Variants in HSPBP1 observed in about 807,000 individuals in gnomAD.
HSPBP1 encodes HSPA (Hsp70) binding protein 1.
A neutral mutation model predicts 41.7 loss-of-function variants in HSPBP1; 31 were observed. The observed-to-expected ratio is 0.74, with a 90% CI of 0.56 to 1.00. The LOEUF (loss-of-function observed/expected upper bound fraction) is 1.00. HSPBP1 is among the 50% of genes least tolerant of loss of function. The probability of loss-of-function intolerance (pLI) is 0.00; values close to 1 mark genes in which losing one functional copy is unlikely to be tolerated. For missense variants in HSPBP1, 439 were observed against 487.9 expected, an observed-to-expected ratio of 0.90 and a Z score of 0.94; for synonymous variants, 199 against 214.4, an observed-to-expected ratio of 0.93 and a Z score of 0.63.
chr19:55,273,618 C>T (rs62126353), intron 4 of HSPBP1, among the ~76,000 whole-genome samples: 8 of 152,136 alleles, frequency 5.3e-5, no homozygotes, highest in East Asian at 1.9e-4. Flanking sequence ...TCCCTGTGCC[C>T]GACCTGGTGC....
chr19:55,274,755 GATC>G, intron 3 of HSPBP1, 133 bp from the exon 4 acceptor site: 2 of 730,868 alleles, frequency 2.7e-6, no homozygotes, highest in Non-Finnish European at 4.5e-6. Context: ...TCTTTAAAGA[GATC>G]ATTAAGGTAA....
At chr19:55,263,209 A>G (rs2087691337) in intron 7 of HSPBP1, among the ~76,000 whole-genome samples, 1 of 152,258 alleles carries the variant, frequency 6.6e-6, no homozygotes, top group Admixed American at 6.5e-5. Flanking sequence ...AAGGATGAGA[A>G]CGAACAGTTC....
chr19:55,270,624 G>A lies in HSPBP1; in HGVS notation c.640+3774C>T, dbSNP rs188714548. Among the ~76,000 whole-genome samples the A allele has an allele frequency of 2.5e-4, 38 of 152,242 alleles. No homozygotes were observed. The East Asian group carries it at 6.4e-3, about 25-fold the overall frequency. On this transcript the variant is annotated intron_variant, in intron 4 of 7. Coordinates refer to ENST00000433386, the MANE Select transcript of HSPBP1 (RefSeq NM_012267.5). This position sits in a 1 kb window ranked among gnomAD's most constrained non-coding sequence, Gnocchi z 5.4. The stretch of plus-strand genomic sequence containing the variant: ...AGGTGCGCCACAGTCAGGATGGCCT[G>A]TGCCAGCCGTGCACATCTGAGGAAA...
rs1336179222 is a variant in HSPBP1, at chr19:55,277,658, G to A, written c.399C>T (p.Asn133=). 6.2e-7 allele frequency: 1 copy of A among 1,606,348 alleles called. No individual in the cohort carries two copies. Among genetic ancestry groups the A allele is most frequent in the African/African-American group, 1.3e-5 (1 of 74,932 alleles). ...ALELLADLCE[N]MDNAADFCQL... ...GCGGGGTACCTGCGGCATTGTCCAT[G>A]TTCTCACACAGGTCGGCCAGCAGCT... Residue 133 remains asparagine (N), a synonymous_variant, in exon 3 of 8, where the codon AAC becomes AAT. Coordinates refer to ENST00000433386, the MANE Select transcript of HSPBP1 (RefSeq NM_012267.5).
chr19:55,265,653 C>T (rs2087755517), intron 6 of HSPBP1, among the ~76,000 whole-genome samples: 1 of 152,056 alleles, frequency 6.6e-6, no homozygotes, highest in African/African-American at 2.4e-5. Flanking sequence ...GACACTAATC[C>T]ACTGGTGGGG....
chr19:55,270,576 G>A lies in HSPBP1; in HGVS notation c.640+3822C>T, dbSNP rs548288876. Among the ~76,000 whole-genome samples the A allele has an allele frequency of 6.6e-6, 1 of 152,098 alleles. No homozygotes were observed. The highest frequency in any genetic ancestry group is 1.5e-5 in the Non-Finnish European group (1 of 68,000). On this transcript the variant is annotated intron_variant, in intron 4 of 7. Coordinates refer to ENST00000433386, the MANE Select transcript of HSPBP1 (RefSeq NM_012267.5). The surrounding 1 kb of genome is among the most constrained non-coding windows in gnomAD (Gnocchi z 5.4). Reference sequence around the variant, plus strand: ...GGAAAGATAAGCTACTGTTGCTTAAGAAAAAAGGACAGAGGCAGGTCAAGG... The same window carrying A: ...GGAAAGATAAGCTACTGTTGCTTAAAAAAAAAGGACAGAGGCAGGTCAAGG...
chr19:55,264,202 C>A (rs1322188129), intron 7 of HSPBP1, among the ~76,000 whole-genome samples: 1 of 152,130 alleles, frequency 6.6e-6, no homozygotes, highest in Non-Finnish European at 1.5e-5. Context: ...CTCCTGACCT[C>A]ATGATTTGCC....
chr19:55,263,842 G>A (rs765236192), intron 7 of HSPBP1, among the ~76,000 whole-genome samples: 9 of 152,114 alleles, frequency 5.9e-5, no homozygotes, highest in Non-Finnish European at 1.3e-4. Flanking sequence ...ACCCTCCTGC[G>A]GGTCTTGTAT....
At chr19:55,273,704 C>T (rs1160674301) in intron 4 of HSPBP1, among the ~76,000 whole-genome samples, 1 of 152,124 alleles carries the variant, frequency 6.6e-6, no homozygotes, top group Non-Finnish European at 1.5e-5. Context: ...CTGGCCGTGT[C>T]CCTCTGCCCA....
At chr19:55,279,852 G>C (rs1225045953) in intron 1 of HSPBP1, 150 bp from the exon 2 acceptor site, 1 of 830,550 alleles carries the variant, frequency 1.2e-6, no homozygotes, top group Admixed American at 2.7e-5. Context: ...TTTCTCCCTA[G>C]CAACAGGCCC....
rs1261905125 is a variant in HSPBP1 at position 55,277,805 on chromosome 19, T to G, written c.252A>C (p.Arg84=). ...WLQEAMSAAF[R]GQREEVEQMK... ...TCTGCTCCACCTCCTCCCGCTGGCC[T>G]CGGAAGGCAGCCGACATGGCCTCCT... Residue 84 remains arginine (R), a synonymous_variant, in exon 3 of 8, where the codon CGA becomes CGC. Coordinates refer to ENST00000433386, the MANE Select transcript of HSPBP1 (RefSeq NM_012267.5). 1 of 1,593,538 alleles carries G rather than the reference T, an allele frequency of 6.3e-7. No homozygotes were observed. Among genetic ancestry groups the G allele is most frequent in the Admixed American group, 1.7e-5 (1 of 58,762 alleles).
rs1354559006 is a variant in HSPBP1, at chr19:55,262,471, C to A, written c.*137G>T. 6.8e-7 allele frequency: 1 copy of A among 1,462,052 alleles called. No homozygotes were observed. The highest frequency in any genetic ancestry group is 1.4e-5 in the African/African-American group (1 of 70,838). The allele number at this position is 1,462,052 out of a possible 1,614,324, so 90.6% of individuals were successfully genotyped here. A position where few individuals can be genotyped will look rare whatever the true frequency, so the allele number is the denominator to read the frequency against. ...CCTTTCTCAGCGCCCCTTCCAGGGA[C>A]TGCACAGAGACGGGCTGGCACACCC... On this transcript the variant is annotated 3_prime_UTR_variant, in exon 8 of 8. Transcript: ENST00000433386.
In HSPBP1 at chr19:55,277,669, G is replaced by GT; in HGVS notation, c.387_388insA (p.Leu130ThrfsTer3). On this transcript the variant is annotated frameshift_variant, in exon 3 of 8. Coordinates refer to ENST00000433386, the MANE Select transcript of HSPBP1 (RefSeq NM_012267.5). LOFTEE classifies it high-confidence loss of function. Reference sequence around the variant, plus strand: ...GCGGCATTGTCCATGTTCTCACACAGGTCGGCCAGCAGCTCCAGGGCCCCC... The same window carrying GT: ...GCGGCATTGTCCATGTTCTCACACAGTGTCGGCCAGCAGCTCCAGGGCCCCC... The GT allele has an allele frequency of 6.2e-7, 1 of 1,606,304 alleles. No individual in the cohort carries two copies.
chr19:55,274,246 C>T (rs2122863613), intron 4 of HSPBP1, 152 bp downstream of exon 4: 1 of 777,190 alleles, frequency 1.3e-6, no homozygotes, highest in Non-Finnish European at 2.0e-6. Context: ...CTCACTCTGC[C>T]CGCAGCACTC....
intron 7 of HSPBP1, among the ~76,000 whole-genome samples, chr19:55,264,615 T>C (rs533679558): frequency 4.0e-5 from 6 of 151,868 alleles, no homozygotes; most frequent in South Asian, 2.1e-4. Flanking sequence ...TTTAATGAAA[T>C]AGTTAAATCA....
intron 6 of HSPBP1, 23 bp downstream of exon 6, chr19:55,265,863 G>C (rs771267544): frequency 6.5e-7 from 1 of 1,542,820 alleles, no homozygotes; most frequent in East Asian, 2.4e-5. Flanking sequence ...CCCAGGCCCC[G>C]TCCTCTCAAG....
rs776000847 is a variant in HSPBP1, at chr19:55,268,666, T to G, written c.641-2380A>C. Among the ~76,000 whole-genome samples, 1 of 152,154 alleles carries G rather than the reference T, an allele frequency of 6.6e-6. No individual in the cohort carries two copies. Among genetic ancestry groups the G allele is most frequent in the Non-Finnish European group, 1.5e-5 (1 of 68,028 alleles). Reference sequence around the variant, plus strand: ...ACATATTGGGTTACATATTTATTTATTTTAGTTTATTTTATTTCATTTTTG... The same window carrying G: ...ACATATTGGGTTACATATTTATTTAGTTTAGTTTATTTTATTTCATTTTTG... On this transcript the variant is annotated intron_variant, in intron 4 of 7. Coordinates refer to ENST00000433386, the MANE Select transcript of HSPBP1 (RefSeq NM_012267.5). This position sits in a 1 kb window ranked among gnomAD's most constrained non-coding sequence, Gnocchi z 4.5.
At position 55,274,484 on chromosome 19, in the gene HSPBP1, C is replaced by CCCAG; in HGVS notation, c.550_553dup (p.Gly185AlafsTer8). Reference sequence around the variant, plus strand: ...CAGCAGCTTACGCAGGGCACCCAGGCCCAGCACCTGCTCCTGGATGGCTGC... The same window carrying CCCAG: ...CAGCAGCTTACGCAGGGCACCCAGGCCCAGCCAGCACCTGCTCCTGGATGGCTGC... On this transcript the variant is annotated frameshift_variant, in exon 4 of 8. Coordinates refer to ENST00000433386, the MANE Select transcript of HSPBP1 (RefSeq NM_012267.5). LOFTEE classifies it high-confidence loss of function. The CCCAG allele has an allele frequency of 6.3e-7, 1 of 1,590,804 alleles. No individual in the cohort carries two copies.
rs557075747 is a variant in HSPBP1 at position 55,272,299 on chromosome 19, G to A, written c.640+2099C>T. ...CAGGGCACGGTGGACCCACGCAACAGGACACATTCAGCCGCGGGAAGGAAC... is the reference window on the plus strand; with the variant it reads ...CAGGGCACGGTGGACCCACGCAACAAGACACATTCAGCCGCGGGAAGGAAC... On this transcript the variant is annotated intron_variant, in intron 4 of 7. Transcript: ENST00000433386. The surrounding 1 kb of genome is among the most constrained non-coding windows in gnomAD (Gnocchi z 4.2). Among the ~76,000 whole-genome samples, 4 of 152,230 alleles carry A rather than the reference G, an allele frequency of 2.6e-5. No homozygotes were observed. Among genetic ancestry groups the A allele is most frequent in the Non-Finnish European group, 4.4e-5 (3 of 68,022 alleles).
Sources: gnomAD v4.1 joint callset for allele counts (sites outside exome capture counted in the v4.1 genomes callset) on GRCh38, gnomAD v4.1.1 for gene constraint, Gnocchi (gnomAD v3.1) non-coding constraint, MANE v1.5 for transcripts, NCBI Gene and HGNC (gene_info 2026-07-23, HGNC 2026-07-21) for gene names.